Variants in HCN3 observed in about 807,000 individuals in gnomAD.
HCN3 encodes the protein potassium/sodium hyperpolarization-activated cyclic nucleotide-gated channel 3.
A neutral mutation model predicts 56.8 loss-of-function variants in HCN3; 36 were observed. The observed-to-expected ratio is 0.63, with a 90% CI of 0.49 to 0.84. HCN3 has a LOEUF of 0.84. HCN3 is among the 40% of genes least tolerant of loss of function. The pLI is 0.00. For synonymous variants in HCN3, 425 were observed against 439.7 expected, an observed-to-expected ratio of 0.97 and a Z score of 0.42; for missense variants, 930 against 1,079.3, an observed-to-expected ratio of 0.86 and a Z score of 1.94.
At position 155,284,485 on chromosome 1, in the gene HCN3, G is replaced by T; in HGVS notation, c.871-54G>T. 6.5e-7 allele frequency: 1 copy of T among 1,534,704 alleles called. No homozygotes were observed. On this transcript the variant is annotated intron_variant, in intron 3 of 7. Coordinates refer to ENST00000368358, the MANE Select transcript of HCN3 (RefSeq NM_020897.3). This position sits in a 1 kb window ranked among gnomAD's most constrained non-coding sequence, Gnocchi z 4.3. ...CAAAGAAGGAAAAGGGGCAGGCAGA[G>T]AATGAGGCTCCGAGGGGCCCATGCC...
chr1:155,284,619 G>C lies in HCN3; in HGVS notation c.951G>C (p.Gln317His). The C allele has an allele frequency of 6.2e-7, 1 of 1,614,040 alleles. No homozygotes were observed. Among genetic ancestry groups the C allele is most frequent in the East Asian group, 2.2e-5 (1 of 44,892 alleles). The part of the protein sequence containing the change: ...SHMLCIGYGQ[Q>H]APVGMPDVWL... ...TGCTGTGCATTGGCTATGGGCAGCA[G>C]GCACCTGTAGGCATGCCCGACGTCT... is the stretch of plus-strand genomic sequence containing the variant. Residue 317 changes from glutamine (Q) to histidine (H), a missense_variant, in exon 4 of 8, where the codon CAG (glutamine) becomes CAC (histidine). By Grantham distance (24) the Gln-to-His change is conservative. Coordinates refer to ENST00000368358, the MANE Select transcript of HCN3 (RefSeq NM_020897.3). This position sits in a 1 kb window ranked among gnomAD's most constrained non-coding sequence, Gnocchi z 4.3.
intron 7 of HCN3, 118 bp from the exon 8 acceptor site, chr1:155,287,663 C>T: frequency 6.0e-6 from 8 of 1,339,968 alleles, no homozygotes; most frequent in Non-Finnish European, 7.1e-6. Flanking sequence ...ATACTACTGA[C>T]TCCCATCCCC....
chr1:155,287,257 A>G lies in HCN3; in HGVS notation c.1562A>G (p.His521Arg), dbSNP rs775699845. The change falls in exon 7 of 8, where the codon CAT (histidine) becomes CGT (arginine). Residue 521 changes from histidine to arginine, a missense_variant. By Grantham distance (29) the His-to-Arg change is conservative. Coordinates refer to ENST00000368358, the MANE Select transcript of HCN3 (RefSeq NM_020897.3). ...YCRLYSLSVDHFNAVLEEFPM... is the reference protein window; with the variant it reads ...YCRLYSLSVDRFNAVLEEFPM... ...CGCCTTTACTCACTCAGCGTGGACCATTTCAATGCTGTGCTTGAGGAGTTC... is the reference window on the plus strand; with the variant it reads ...CGCCTTTACTCACTCAGCGTGGACCGTTTCAATGCTGTGCTTGAGGAGTTC... 7 of 1,613,996 alleles carry G rather than the reference A, an allele frequency of 4.3e-6. No homozygotes were observed. In the East Asian group the frequency reaches 8.9e-5, roughly 21 times the overall value.
Position 155,285,659 on chromosome 1 carries a change from T to A in HCN3, c.1237-65T>A. ...CAGGGGTGGGGTTTCTGGAAGCGGA[T>A]GAGCTCGGTGGGATCATCTCAGGTC... On this transcript the variant is annotated intron_variant, in intron 5 of 7. Transcript: ENST00000368358. The surrounding 1 kb of genome is among the most constrained non-coding windows in gnomAD (Gnocchi z 4.5). 1 of 1,588,644 alleles carries A rather than the reference T, an allele frequency of 6.3e-7. No homozygotes were observed.
intron 6 of HCN3, among the ~76,000 whole-genome samples, chr1:155,286,446 G>A (rs769611139): frequency 1.3e-5 from 2 of 152,168 alleles, no homozygotes; most frequent in Non-Finnish European, 2.9e-5. Context: ...TGCCAGGCCT[G>A]AGCTCTGTAG....
In HCN3 at chr1:155,281,987, T is replaced by C. The variant is rs190224231; in HGVS notation, c.279-424T>C. The stretch of plus-strand genomic sequence containing the variant: ...GCATTGCATTTGTGAAATTCATCCA[T>C]AGGGCTGAATGTAGCTGTAGTTGGG... On this transcript the variant is annotated intron_variant, in intron 1 of 7. Coordinates refer to ENST00000368358, the MANE Select transcript of HCN3 (RefSeq NM_020897.3). Among the ~76,000 whole-genome samples the C allele has an allele frequency of 1.8e-3, 274 of 152,366 alleles. 2 individuals carry two copies. Among genetic ancestry groups the C allele is most frequent in the African/African-American group, 5.6e-3 (231 of 41,592 alleles).
Position 155,285,253 on chromosome 1 carries a change from A to C in HCN3, c.1178A>C (p.Gln393Pro). 1 of 1,613,240 alleles carries C rather than the reference A, an allele frequency of 6.2e-7. No individual in the cohort carries two copies. Among genetic ancestry groups the C allele is most frequent in the Non-Finnish European group, 8.5e-7 (1 of 1,179,830 alleles). ...CACGAGTACTATGAGCACCGCTACC[A>C]GGGCAAGATGTTCGATGAGGAAAGC... Reference protein sequence around the residue: ...RIHEYYEHRYQGKMFDEESIL... With the variant: ...RIHEYYEHRYPGKMFDEESIL... Residue 393 changes from glutamine (Q) to proline (P), a missense_variant, in exon 5 of 8, where the codon CAG (glutamine) becomes CCG (proline). Gln to Pro is a moderately conservative substitution (Grantham distance 76). Coordinates refer to ENST00000368358, the MANE Select transcript of HCN3 (RefSeq NM_020897.3). The surrounding 1 kb of genome is among the most constrained non-coding windows in gnomAD (Gnocchi z 4.5).
intron 2 of HCN3, among the ~76,000 whole-genome samples, chr1:155,283,396 A>ATAT (rs552776912): frequency 4.1e-4 from 62 of 151,626 alleles, no homozygotes; most frequent in South Asian, 1.7e-3. Flanking sequence ...CCACTATTAT[A>ATAT]TATTATTATT....
chr1:155,283,955 T>A lies in HCN3; in HGVS notation c.709-19T>A, dbSNP rs918586369. On this transcript the variant is annotated intron_variant, in intron 2 of 7. Coordinates refer to ENST00000368358, the MANE Select transcript of HCN3 (RefSeq NM_020897.3). ...GGGAGGGGTTCCTGTCCACAGCAGC[T>A]CCTCCTCGGACTCCTCAGATCTTTC... The A allele has an allele frequency of 6.2e-7, 1 of 1,602,474 alleles. No homozygotes were observed. The highest frequency in any genetic ancestry group is 8.5e-7 in the Non-Finnish European group (1 of 1,170,432).
chr1:155,277,878 G>T lies in HCN3; in HGVS notation c.278+10G>T, dbSNP rs778319502. 6.2e-7 allele frequency: 1 copy of T among 1,610,968 alleles called. No individual in the cohort carries two copies. The highest frequency in any genetic ancestry group is 2.2e-5 in the East Asian group (1 of 44,864). On this transcript the variant is annotated intron_variant, in intron 1 of 7. Coordinates refer to ENST00000368358, the MANE Select transcript of HCN3 (RefSeq NM_020897.3). ...CCTACAGCGACTTCCGGTATTGGGG[G>T]CTTGGCGGGGAGGGCAGGGTACATC...
Position 155,288,213 on chromosome 1 carries a change from C to T in HCN3, c.2075C>T (p.Ser692Phe). The T allele has an allele frequency of 6.3e-7, 1 of 1,576,448 alleles. No individual in the cohort carries two copies. Among genetic ancestry groups the T allele is most frequent in the Non-Finnish European group, 8.6e-7 (1 of 1,165,762 alleles). ...TCCCGGGCAGGGCGCTCCCAGGTCT[C>T]CCTGCTGGGTCCCCCTCCAGGAGGA... is the stretch of plus-strand genomic sequence containing the variant. ...SLSRAGRSQV[S>F]LLGPPPGGGG... is the part of the protein sequence containing the mutation. Residue 692 changes from serine (S) to phenylalanine (F), a missense_variant, in exon 8 of 8, where the codon TCC becomes TTC. Coordinates refer to ENST00000368358, the MANE Select transcript of HCN3 (RefSeq NM_020897.3). This position sits in a 1 kb window ranked among gnomAD's most constrained non-coding sequence, Gnocchi z 6.5.
chr1:155,283,701 T>C (rs530421388), intron 2 of HCN3, among the ~76,000 whole-genome samples: 2 of 152,128 alleles, frequency 1.3e-5, no homozygotes, highest in South Asian at 4.1e-4. Context: ...AATAGATTTG[T>C]TTGATTCTCT....
chr1:155,287,998 G>A lies in HCN3; in HGVS notation c.1860G>A (p.Val620=), dbSNP rs1413306637. 2 of 1,613,882 alleles carry A rather than the reference G, an allele frequency of 1.2e-6. No homozygotes were observed. The highest frequency in any genetic ancestry group is 1.7e-6 in the Non-Finnish European group (2 of 1,180,000). ...PLQAAAVTSN[V]AIALTHQRGP... is the part of the protein sequence containing the mutation. The stretch of plus-strand genomic sequence containing the variant: ...AGGCAGCTGCTGTGACCTCCAATGT[G>A]GCCATTGCCCTGACTCATCAGCGGG... The change falls in exon 8 of 8, where the codon GTG becomes GTA. Residue 620 remains valine (V), a synonymous_variant. Coordinates refer to ENST00000368358, the MANE Select transcript of HCN3 (RefSeq NM_020897.3).
In HCN3 at chr1:155,285,009, G is replaced by A. The variant is rs989960133; in HGVS notation, c.1090-156G>A. On this transcript the variant is annotated intron_variant, in intron 4 of 7. Transcript: ENST00000368358. The surrounding 1 kb of genome is among the most constrained non-coding windows in gnomAD (Gnocchi z 4.5). Reference sequence around the variant, plus strand: ...GTCTTCCCGGTATCCATCATTATCCGTATTCCTCTGTGGCCCTGTGTATCC... The same window carrying A: ...GTCTTCCCGGTATCCATCATTATCCATATTCCTCTGTGGCCCTGTGTATCC... 2.0e-5 allele frequency among the ~76,000 whole-genome samples: 3 copies of A among 152,248 alleles called. No individual in the cohort carries two copies. The highest frequency in any genetic ancestry group is 2.1e-4 in the South Asian group (1 of 4,824).
rs771587960 is a variant in HCN3, at chr1:155,282,745, C to T, written c.613C>T (p.Arg205Trp). 4 of 1,614,146 alleles carry T rather than the reference C, an allele frequency of 2.5e-6. No homozygotes were observed. Among genetic ancestry groups the T allele is most frequent in the Non-Finnish European group, 3.4e-6 (4 of 1,180,030 alleles). ...RLDAEVYKTA[R>W]ALRIVRFTKI... ...GGACGCTGAGGTCTACAAAACGGCA[C>T]GGGCCCTACGCATCGTTCGCTTCAC... The change falls in exon 2 of 8, where the codon CGG becomes TGG. Residue 205 changes from arginine to tryptophan, a missense_variant. Physicochemically the swap from Arg to Trp is moderately radical, Grantham distance 101. Coordinates refer to ENST00000368358, the MANE Select transcript of HCN3 (RefSeq NM_020897.3). This position sits in a 1 kb window ranked among gnomAD's most constrained non-coding sequence, Gnocchi z 4.7.
At chr1:155,280,161 G>A (rs1277571132) in intron 1 of HCN3, among the ~76,000 whole-genome samples, 1 of 151,882 alleles carries the variant, frequency 6.6e-6, no homozygotes, top group Non-Finnish European at 1.5e-5. Context: ...TGTCCAGGCT[G>A]GTCTCGAACA....
At chr1:155,281,069 ATTTTT>A (rs1195938967) in intron 1 of HCN3, among the ~76,000 whole-genome samples, 1 of 112,486 alleles carries the variant, frequency 8.9e-6, no homozygotes. Context: ...CTAATTTTTA[ATTTTT>A]TTTTTTTTTT....
In HCN3 at chr1:155,285,224, C is replaced by T. The variant is rs1674230611; in HGVS notation, c.1149C>T (p.Arg383=). Residue 383 remains arginine (R), a synonymous_variant, in exon 5 of 8, where the codon CGC becomes CGT. Transcript: ENST00000368358. This position sits in a 1 kb window ranked among gnomAD's most constrained non-coding sequence, Gnocchi z 4.5. ...FHKLPADTRQ[R]IHEYYEHRYQ... Reference sequence around the variant, plus strand: ...AGCTGCCAGCAGACACGCGGCAGCGCATCCACGAGTACTATGAGCACCGCT... The same window carrying T: ...AGCTGCCAGCAGACACGCGGCAGCGTATCCACGAGTACTATGAGCACCGCT... The T allele has an allele frequency of 6.2e-7, 1 of 1,614,262 alleles. No homozygotes were observed. Among genetic ancestry groups the T allele is most frequent in the Non-Finnish European group, 8.5e-7 (1 of 1,180,048 alleles).
In HCN3 at chr1:155,288,133, G is replaced by A; in HGVS notation, c.1995G>A (p.Trp665Ter). 6.3e-7 allele frequency: 1 copy of A among 1,596,070 alleles called. No individual in the cohort carries two copies. The highest frequency in any genetic ancestry group is 8.5e-7 in the Non-Finnish European group (1 of 1,174,886). The change falls in exon 8 of 8, where the codon TGG becomes TGA. Residue 665 changes from tryptophan to a stop codon, truncating the protein, a stop_gained. Transcript: ENST00000368358. LOFTEE classifies it high-confidence loss of function. This position sits in a 1 kb window ranked among gnomAD's most constrained non-coding sequence, Gnocchi z 6.5. ...TGGTGCCCGTCCGAGCTGGCCCATG[G>A]GCATCCACCTCCCGCCTGCCCGCCC... ...SPLVPVRAGPWASTSRLPAPP... is the reference protein window; with the variant it reads ...SPLVPVRAGP
Sources: gnomAD v4.1 joint callset for allele counts (sites outside exome capture counted in the v4.1 genomes callset) on GRCh38, gnomAD v4.1.1 for gene constraint, Gnocchi (gnomAD v3.1) non-coding constraint, MANE v1.5 for transcripts, NCBI Gene and HGNC (gene_info 2026-07-23, HGNC 2026-07-21) for gene names.